Variants in ZFHX3 observed in about 807,000 individuals in gnomAD.
ZFHX3 encodes zinc finger homeobox 3.
Under a neutral mutation model 279.1 loss-of-function variants are expected in ZFHX3, and 42 were observed. The ratio of observed to expected loss-of-function variants is 0.15; its 90% CI spans 0.12 to 0.19. The LOEUF is 0.19. Among genes scored for constraint, ZFHX3 ranks in the 10% least tolerant of loss-of-function variants. ZFHX3 has a pLI of 1.00. For missense variants in ZFHX3, 4,981 were observed against 4,754.0 expected (o/e 1.05, Z -1.40); for synonymous variants, 2,293 against 1,957.8 (o/e 1.17, Z -4.52).
chr16:73,809,174 T>C (rs1960362796), intron 1 of ZFHX3: 1 of 152,176 alleles, frequency 6.6e-6, no homozygotes, highest in South Asian at 2.1e-4. Flanking sequence ...AAGGTGCAGG[T>C]AGAGTTCCTG....
chr16:73,890,249 A>C (rs989142471), intron 1 of ZFHX3, among the ~76,000 whole-genome samples: 68 of 150,980 alleles, frequency 4.5e-4, no homozygotes, highest in Non-Finnish European at 6.2e-4. Context: ...CCAAAAAAAA[A>C]AAAAACAACA....
rs560258941 is a variant in ZFHX3 at position 73,678,299 on chromosome 16, T to C, written c.-1547+1881A>G. 3.9e-5 allele frequency among the ~76,000 whole-genome samples: 6 copies of C among 152,250 alleles called. No homozygotes were observed. The South Asian group carries it at 8.3e-4, about 21-fold the overall frequency. ...ACCATTGGGAGATGTTCAAGCCCTA[T>C]TGGTTATTGGGAATGAAAGTGTAAA... On this transcript the variant is annotated intron_variant, in intron 2 of 17. Transcript: ENST00000641206.
intron 2 of ZFHX3, among the ~76,000 whole-genome samples, chr16:73,651,804 C>G (rs1292549520): frequency 6.9e-6 from 1 of 145,328 alleles, no homozygotes; most frequent in South Asian, 2.2e-4. Flanking sequence ...GCAGTGAGCG[C>G]AGATCACGCC....
intron 3 of ZFHX3, among the ~76,000 whole-genome samples, chr16:73,327,985 A>G (rs2015727029): frequency 6.6e-6 from 1 of 152,180 alleles, no homozygotes; most frequent in Non-Finnish European, 1.5e-5. Context: ...CTGGTCATCA[A>G]CCTTTTCAGC....
chr16:73,410,321 C>G (rs533455344), intron 3 of ZFHX3, among the ~76,000 whole-genome samples: 138 of 152,222 alleles, frequency 9.1e-4, no homozygotes, highest in Middle Eastern at 3.4e-3. Flanking sequence ...GAGGCTGAGG[C>G]AGGAGAATCA....
At chr16:73,171,132 T>G (rs1967512549) in intron 5 of ZFHX3, among the ~76,000 whole-genome samples, 1 of 152,174 alleles carries the variant, frequency 6.6e-6, no homozygotes, top group Non-Finnish European at 1.5e-5. Flanking sequence ...GCTGTATTTT[T>G]GCACTTTTTT....
chr16:72,878,230 A>G (rs1202666799), intron 4 of ZFHX3, among the ~76,000 whole-genome samples: 1 of 152,210 alleles, frequency 6.6e-6, no homozygotes, highest in Non-Finnish European at 1.5e-5. Flanking sequence ...CTCACCTACC[A>G]AAAGTCCAGC....
chr16:73,047,153 C>T (rs1028490661), intron 1 of ZFHX3, among the ~76,000 whole-genome samples: 4 of 152,186 alleles, frequency 2.6e-5, no homozygotes, highest in Admixed American at 6.5e-5. Context: ...CTGCTACTGA[C>T]CTAAACATAG....
At chr16:72,931,903 T>C (rs1462166560) in intron 3 of ZFHX3, among the ~76,000 whole-genome samples, 1 of 152,200 alleles carries the variant, frequency 6.6e-6, no homozygotes, top group Non-Finnish European at 1.5e-5. Flanking sequence ...TTCTGTGGTA[T>C]TGCCAAGGTT....
At chr16:73,599,577 G>C (rs2052089251) in intron 2 of ZFHX3, among the ~76,000 whole-genome samples, 1 of 152,158 alleles carries the variant, frequency 6.6e-6, no homozygotes, top group East Asian at 1.9e-4. Context: ...CATTTCACAA[G>C]CAAACACTAA....
At chr16:73,049,183 CG>C (rs557947468), upstream of ZFHX3, among the ~76,000 whole-genome samples, 117 of 152,304 alleles carry the variant, frequency 7.7e-4, no homozygotes, top group Non-Finnish European at 1.4e-3. Context: ...GAAATCTCAC[CG>C]GAAGTCCTCT....
rs747826130 is a variant in ZFHX3, at chr16:72,787,739, TGCCACC to T, written c.10531_10536del (p.Gly3511_Gly3512del). On this transcript the variant is annotated inframe_deletion, in exon 10 of 10. Coordinates refer to ENST00000268489, the MANE Select transcript of ZFHX3 (RefSeq NM_006885.4). ...CCGCCACCGCCGCCGCCGCCGCCACTGCCACCGCCGCCGCCGCCGGTGGGGACGTGA... is the reference window on the plus strand; with the variant it reads ...CCGCCACCGCCGCCGCCGCCGCCACTGCCGCCGCCGCCGGTGGGGACGTGA... 9.3e-6 allele frequency: 13 copies of T among 1,396,734 alleles called. No individual in the cohort carries two copies. The highest frequency in any genetic ancestry group is 1.9e-4 in the Middle Eastern group (1 of 5,210). 86.5% of individuals were successfully genotyped at this position (1,396,734 alleles called of 1,614,324 possible).
intron 8 of ZFHX3, among the ~76,000 whole-genome samples, chr16:73,084,721 C>T (rs1467328808): frequency 5.3e-5 from 8 of 151,900 alleles, no homozygotes; most frequent in South Asian, 4.2e-4. Flanking sequence ...GGGGTTTCAC[C>T]GTGTTAGCCA....
intron 3 of ZFHX3, among the ~76,000 whole-genome samples, chr16:73,448,579 A>G (rs952482395): frequency 3.5e-4 from 54 of 152,236 alleles, no homozygotes; most frequent in African/African-American, 1.2e-3. Flanking sequence ...AAGGTAATAG[A>G]AAAAGAAAAT....
At chr16:72,831,037 T>C (rs2037048007) in intron 4 of ZFHX3, among the ~76,000 whole-genome samples, 2 of 152,156 alleles carry the variant, frequency 1.3e-5, no homozygotes. Context: ...AACTTTTCAG[T>C]ATTTTAAAGT....
intron 2 of ZFHX3, among the ~76,000 whole-genome samples, chr16:73,580,503 A>T (rs1175916768): frequency 6.8e-6 from 1 of 146,500 alleles, no homozygotes; most frequent in Non-Finnish European, 1.5e-5. Flanking sequence ...AAACAAACAA[A>T]CAAACAAAAA....
intron 2 of ZFHX3, among the ~76,000 whole-genome samples, chr16:73,669,642 CCATGAAAGTGAAGAACA>C (rs1471587181): frequency 1.3e-5 from 2 of 152,162 alleles, no homozygotes; most frequent in African/African-American, 4.8e-5. Flanking sequence ...GACCTGGAGG[CCATGAAAGTGAAGAACA>C]CTCTTTATAG....
At chr16:73,652,085 T>A (rs1325435007) in intron 2 of ZFHX3, among the ~76,000 whole-genome samples, 1 of 152,046 alleles carries the variant, frequency 6.6e-6, no homozygotes, top group Non-Finnish European at 1.5e-5. Flanking sequence ...GATGATGTCA[T>A]ACACACACCA....
At chr16:73,217,068 A>AT (rs2012237393) in intron 5 of ZFHX3, among the ~76,000 whole-genome samples, 1 of 152,002 alleles carries the variant, frequency 6.6e-6, no homozygotes, top group South Asian at 2.1e-4. Context: ...CTGAAGTTTG[A>AT]TTTTCCCAGT....
Sources: gnomAD v4.1 joint callset for allele counts (sites outside exome capture counted in the v4.1 genomes callset) on GRCh38, gnomAD v4.1.1 for gene constraint, MANE v1.5 for transcripts, NCBI Gene and HGNC (gene_info 2026-07-23, HGNC 2026-07-21) for gene names.